THADA: variants seen among roughly 807,000 people sequenced by gnomAD.
THADA encodes THADA armadillo repeat containing.
Under a neutral mutation model 219.8 loss-of-function variants are expected in THADA, and 213 were observed. That is an observed-to-expected ratio of 0.97 (90% CI 0.87 to 1.09). The LOEUF (loss-of-function observed/expected upper bound fraction) is 1.09, where lower values mean the gene tolerates loss of function less well. Among genes scored for constraint, THADA ranks in the 50% least tolerant of loss-of-function variants. The pLI, the probability that THADA is intolerant of heterozygous loss-of-function variation, is 0.00. For synonymous variants in THADA, 1,018 were observed against 828.9 expected (o/e 1.23, Z -3.92); for missense variants, 2,956 against 2,311.3 (o/e 1.28, Z -5.72).
Position 43,527,992 on chromosome 2 carries a change from TAA to T in THADA, c.3265-6_3265-5del, listed in dbSNP as rs749761963. ...AGTAATCTCCTATTTCTTTTACCTT[TAA>T]AAAAAAAGCAAAAACAAATGTCCGA... On this transcript the variant is annotated splice_region_variant and splice_polypyrimidine_tract_variant and intron_variant, in intron 21 of 37. Coordinates refer to ENST00000405975, the MANE Select transcript of THADA (RefSeq NM_022065.5). The T allele has an allele frequency of 5.1e-6, 8 of 1,561,262 alleles. No individual in the cohort carries two copies. The Admixed American group carries it at 8.8e-5, about 17-fold the overall frequency.
chr2:43,375,411 T>A (rs1332048735), intron 29 of THADA, among the ~76,000 whole-genome samples: 1 of 152,222 alleles, frequency 6.6e-6, no homozygotes, highest in Non-Finnish European at 1.5e-5. Context: ...AGGAATGAAG[T>A]AAGTATAATA....
At chr2:43,501,821 G>A (rs1183059703) in intron 24 of THADA, among the ~76,000 whole-genome samples, 1 of 152,168 alleles carries the variant, frequency 6.6e-6, no homozygotes, top group African/African-American at 2.4e-5. Context: ...GCACATGCCT[G>A]TAATCCCAGC....
intron 28 of THADA, among the ~76,000 whole-genome samples, chr2:43,406,014 T>A (rs1407511018): frequency 6.6e-6 from 1 of 152,210 alleles, no homozygotes. Context: ...TGCCTCCCAG[T>A]GACCCAGGCT....
At chr2:43,580,842 T>C (rs1457590346) in intron 8 of THADA, among the ~76,000 whole-genome samples, 1 of 151,336 alleles carries the variant, frequency 6.6e-6, no homozygotes, top group East Asian at 2.0e-4. Flanking sequence ...ATCACGCCAC[T>C]GCACTCCAGT....
intron 29 of THADA, among the ~76,000 whole-genome samples, chr2:43,389,397 A>C (rs1229512775): frequency 6.6e-6 from 1 of 152,160 alleles, no homozygotes; most frequent in Non-Finnish European, 1.5e-5. Context: ...AGGCAGGGGG[A>C]CCACTTGAGC....
At chr2:43,367,702 A>G (rs1471219257) in intron 29 of THADA, among the ~76,000 whole-genome samples, 2 of 152,238 alleles carry the variant, frequency 1.3e-5, no homozygotes, top group Non-Finnish European at 2.9e-5. Context: ...ACGCTGCAAC[A>G]ATGGGATGGT....
At chr2:43,378,665 G>C (rs766501437) in intron 29 of THADA, among the ~76,000 whole-genome samples, 1 of 152,148 alleles carries the variant, frequency 6.6e-6, no homozygotes, top group African/African-American at 2.4e-5. Context: ...GAGTGCAGTG[G>C]CATGATCTGG....
intron 25 of THADA, among the ~76,000 whole-genome samples, chr2:43,485,933 G>A (rs574938232): frequency 1.3e-5 from 2 of 150,938 alleles, no homozygotes; most frequent in East Asian, 1.9e-4. Flanking sequence ...TGTTGTTGTT[G>A]TTATTTTTAC....
intron 29 of THADA, among the ~76,000 whole-genome samples, chr2:43,394,659 A>G (rs1450199744): frequency 1.3e-5 from 2 of 152,184 alleles, no homozygotes; most frequent in African/African-American, 4.8e-5. Flanking sequence ...AGCCCTTCCC[A>G]ACTTAACCCT....
At chr2:43,581,277 C>T (rs1225715397) in intron 8 of THADA, among the ~76,000 whole-genome samples, 1 of 152,048 alleles carries the variant, frequency 6.6e-6, no homozygotes, top group Non-Finnish European at 1.5e-5. Flanking sequence ...CACCTGTAAT[C>T]CCAGCACCTT....
At chr2:43,393,580 C>T (rs1040410308) in intron 29 of THADA, among the ~76,000 whole-genome samples, 30 of 151,804 alleles carry the variant, frequency 2.0e-4, no homozygotes, top group African/African-American at 7.3e-4. Context: ...TGGTGGCAGG[C>T]GCCTGTAATC....
At chr2:43,407,080 TCTGAGAAATCAGTAA>T (rs1675639155) in intron 28 of THADA, among the ~76,000 whole-genome samples, 1 of 152,158 alleles carries the variant, frequency 6.6e-6, no homozygotes, top group African/African-American at 2.4e-5. Context: ...AGTGGATGGG[TCTGAGAAATCAGTAA>T]CAGGCTGGCT....
At chr2:43,517,620 T>TC (rs1356349539) in intron 22 of THADA, among the ~76,000 whole-genome samples, 1 of 152,138 alleles carries the variant, frequency 6.6e-6, no homozygotes, top group African/African-American at 2.4e-5. Context: ...ATTTTACACA[T>TC]CCATGAAGTT....
intron 31 of THADA, among the ~76,000 whole-genome samples, chr2:43,300,047 A>AT (rs1572976297): frequency 6.6e-6 from 1 of 152,168 alleles, no homozygotes; most frequent in African/African-American, 2.4e-5. Context: ...AAAAAAAAAA[A>AT]AAAGCTGACA....
chr2:43,324,488 T>C (rs1366459515), intron 30 of THADA, among the ~76,000 whole-genome samples: 2 of 152,242 alleles, frequency 1.3e-5, no homozygotes, highest in African/African-American at 2.4e-5. Flanking sequence ...TCCTTTGAGA[T>C]GACTCTGAGT....
intron 24 of THADA, among the ~76,000 whole-genome samples, chr2:43,501,159 A>G (rs2085480973): frequency 1.3e-5 from 2 of 151,746 alleles, no homozygotes; most frequent in Admixed American, 6.6e-5. Context: ...TAAAAAAATT[A>G]GCTGGGCGTG....
chr2:43,592,461 C>T, intron 1 of THADA, 45 bp from the exon 2 acceptor site: 1 of 1,149,518 alleles, frequency 8.7e-7, no homozygotes, highest in East Asian at 2.5e-5. Flanking sequence ...GGTTTCTCAA[C>T]CTCAGCACTA....
chr2:43,310,774 G>A (rs1401752264), intron 31 of THADA, among the ~76,000 whole-genome samples: 2 of 152,186 alleles, frequency 1.3e-5, no homozygotes, highest in Non-Finnish European at 2.9e-5. Flanking sequence ...AGGATATTAT[G>A]AAGACAGTAA....
chr2:43,477,457 G>A (rs1477899860), intron 26 of THADA, among the ~76,000 whole-genome samples: 1 of 152,102 alleles, frequency 6.6e-6, no homozygotes, highest in African/African-American at 2.4e-5. Flanking sequence ...TTAATTTCTT[G>A]AGAAAACTAG....
Sources: gnomAD v4.1 joint callset for allele counts (sites outside exome capture counted in the v4.1 genomes callset) on GRCh38, gnomAD v4.1.1 for gene constraint, MANE v1.5 for transcripts, NCBI Gene and HGNC (gene_info 2026-07-23, HGNC 2026-07-21) for gene names.